The following NCOA1 variants were observed in gnomAD, a reference collection of about 807,000 sequenced individuals.
NCOA1 encodes the protein Hin-2 protein.
NCOA1 carries 35 observed loss-of-function variants against 150.9 expected under a neutral mutation model. The ratio of observed to expected loss-of-function variants is 0.23; its 90% CI spans 0.18 to 0.31. The LOEUF is 0.31. Among genes scored for constraint, NCOA1 ranks in the 10% least tolerant of loss-of-function variants. The pLI is 1.00. For missense variants in NCOA1, 1,491 were observed against 1,749.3 expected (o/e 0.85, Z 2.63); for synonymous variants, 590 against 630.0 (o/e 0.94, Z 0.95).
intron 2 of NCOA1, among the ~76,000 whole-genome samples, chr2:24,566,577 C>G (rs1666517255): frequency 6.6e-6 from 1 of 151,970 alleles, no homozygotes; most frequent in Non-Finnish European, 1.5e-5. Context: ...CCATTCCAGT[C>G]CACAGGACTG....
chr2:24,757,487 C>T (rs890920779), intron 20 of NCOA1, among the ~76,000 whole-genome samples: 1 of 152,096 alleles, frequency 6.6e-6, no homozygotes, highest in Non-Finnish European at 1.5e-5. Flanking sequence ...TACCATCACT[C>T]CCCTGAAGTA....
intron 3 of NCOA1, among the ~76,000 whole-genome samples, chr2:24,594,510 C>T (rs1410439591): frequency 6.6e-6 from 1 of 152,042 alleles, no homozygotes; most frequent in Non-Finnish European, 1.5e-5. Context: ...ACTCTTTAGA[C>T]AAGAGAAATC....
intron 1 of NCOA1, among the ~76,000 whole-genome samples, chr2:24,542,416 A>T (rs1036843439): frequency 1.3e-5 from 2 of 152,244 alleles, no homozygotes; most frequent in African/African-American, 4.8e-5. Flanking sequence ...ATGCTGGATC[A>T]GAGAATTTAA....
At chr2:24,583,371 A>G (rs1667278544) in intron 2 of NCOA1, among the ~76,000 whole-genome samples, 1 of 152,116 alleles carries the variant, frequency 6.6e-6, no homozygotes, top group South Asian at 2.1e-4. Context: ...TTCACCTCAG[A>G]ATGGCTATTA....
chr2:24,768,235 T>A lies in NCOA1; in HGVS notation c.4170T>A (p.Val1390=). Residue 1390 remains valine, a synonymous_variant, in exon 23 of 23, where the codon GTT becomes GTA. Coordinates refer to ENST00000348332, the MANE Select transcript of NCOA1 (RefSeq NM_003743.5). ...EADGTQQVQQ[V]QVFADVQCTV... Reference sequence around the variant, plus strand: ...TTGTGTTCCAGCAGGTGCAACAGGTTCAGGTGTTTGCTGACGTCCAGTGTA... The same window carrying A: ...TTGTGTTCCAGCAGGTGCAACAGGTACAGGTGTTTGCTGACGTCCAGTGTA... 6.2e-7 allele frequency: 1 copy of A among 1,613,022 alleles called. No individual in the cohort carries two copies. Among genetic ancestry groups the A allele is most frequent in the Non-Finnish European group, 8.5e-7 (1 of 1,179,178 alleles).
intron 1 of NCOA1, among the ~76,000 whole-genome samples, chr2:24,514,671 G>A (rs765321110): frequency 2.6e-5 from 4 of 151,906 alleles, no homozygotes; most frequent in Non-Finnish European, 5.9e-5. Flanking sequence ...TTGTGTTGGT[G>A]TGCCTCTGAG....
chr2:24,625,507 C>T (rs1228068154), intron 3 of NCOA1, among the ~76,000 whole-genome samples: 1 of 151,988 alleles, frequency 6.6e-6, no homozygotes, highest in Non-Finnish European at 1.5e-5. Context: ...ATTTCTTTCA[C>T]TGATTTCTGC....
At chr2:24,641,757 T>C (rs1670226763) in intron 3 of NCOA1, among the ~76,000 whole-genome samples, 1 of 152,156 alleles carries the variant, frequency 6.6e-6, no homozygotes, top group African/African-American at 2.4e-5. Flanking sequence ...GTATGTGACG[T>C]GCTACCTTGC....
intron 3 of NCOA1, among the ~76,000 whole-genome samples, chr2:24,642,333 A>T (rs201011816): frequency 0.016 from 2,400 of 147,568 alleles, 23 homozygotes; most frequent in Admixed American, 0.022. Flanking sequence ...ATATATATAT[A>T]TATTTTTTAA....
At chr2:24,496,952 A>C (rs1161975622) in intron 1 of NCOA1, among the ~76,000 whole-genome samples, 1 of 152,250 alleles carries the variant, frequency 6.6e-6, no homozygotes, top group East Asian at 1.9e-4. Flanking sequence ...ATTAATTAAG[A>C]CCGTTTTCTC....
intron 3 of NCOA1, among the ~76,000 whole-genome samples, chr2:24,640,066 A>G (rs966308311): frequency 1.3e-5 from 2 of 149,814 alleles, no homozygotes; most frequent in African/African-American, 4.9e-5. Context: ...TTTCCATTGC[A>G]TTTTCTTCTT....
At chr2:24,566,207 T>TG (rs1287058194) in intron 2 of NCOA1, among the ~76,000 whole-genome samples, 2 of 152,180 alleles carry the variant, frequency 1.3e-5, no homozygotes, top group African/African-American at 4.8e-5. Context: ...AGAGGAGACT[T>TG]GCAATAGGTA....
intron 19 of NCOA1, among the ~76,000 whole-genome samples, chr2:24,750,681 C>T (rs1188127437): frequency 6.6e-6 from 1 of 152,050 alleles, no homozygotes; most frequent in African/African-American, 2.4e-5. Flanking sequence ...GGGATGGGAG[C>T]AAGGATTGAC....
At chr2:24,598,002 C>G (rs555633052) in intron 3 of NCOA1, among the ~76,000 whole-genome samples, 12 of 152,222 alleles carry the variant, frequency 7.9e-5, no homozygotes, top group Admixed American at 5.2e-4. Flanking sequence ...TTGTTCATTT[C>G]CCACCTATGA....
At chr2:24,641,679 T>C (rs1343252939) in intron 3 of NCOA1, among the ~76,000 whole-genome samples, 1 of 152,206 alleles carries the variant, frequency 6.6e-6, no homozygotes, top group East Asian at 1.9e-4. Flanking sequence ...GAAGAAATTA[T>C]TCCATTATCT....
At chr2:24,570,406 T>C (rs780979759) in intron 2 of NCOA1, among the ~76,000 whole-genome samples, 2 of 152,182 alleles carry the variant, frequency 1.3e-5, no homozygotes, top group African/African-American at 2.4e-5. Flanking sequence ...AAGCATTAAC[T>C]GCAATATAAT....
chr2:24,528,715 G>A (rs1664754841), intron 1 of NCOA1, among the ~76,000 whole-genome samples: 1 of 152,096 alleles, frequency 6.6e-6, no homozygotes, highest in South Asian at 2.1e-4. Flanking sequence ...GCAAAAGAAT[G>A]TATAAAACTA....
chr2:24,682,613 C>T (rs536422290), intron 7 of NCOA1, among the ~76,000 whole-genome samples: 1 of 152,230 alleles, frequency 6.6e-6, no homozygotes, highest in East Asian at 1.9e-4. Context: ...ATGCTCTCTC[C>T]ACTTCCTGGA....
At chr2:24,683,238 T>A in intron 8 of NCOA1, 110 bp downstream of exon 8, 2 of 620,746 alleles carry the variant, frequency 3.2e-6, no homozygotes, top group Non-Finnish European at 4.6e-6. Context: ...TTATATATGT[T>A]ATAATATGTG....
Sources: allele counts gnomAD v4.1 joint callset (sites outside exome capture counted in the v4.1 genomes callset), GRCh38; gene constraint gnomAD v4.1.1; transcripts MANE v1.5; gene names NCBI Gene and HGNC (gene_info 2026-07-23, HGNC 2026-07-21).